WDPCP: variants seen among roughly 807,000 people sequenced by gnomAD.
The protein encoded by WDPCP is WD repeat containing planar cell polarity effector.
Under a neutral mutation model 93.1 loss-of-function variants are expected in WDPCP, and 71 were observed. The ratio of observed to expected loss-of-function variants is 0.76; its 90% CI spans 0.63 to 0.93. The LOEUF is 0.93. Among genes scored for constraint, WDPCP ranks in the 40% least tolerant of loss-of-function variants. WDPCP has a pLI of 0.00. For synonymous variants in WDPCP, 315 were observed against 315.0 expected (o/e 1.00, Z 0.00); for missense variants, 844 against 887.4 (o/e 0.95, Z 0.62).
chr2:63,373,291 C>G (rs1308610496), intron 12 of WDPCP, among the ~76,000 whole-genome samples: 1 of 142,266 alleles, frequency 7.0e-6, no homozygotes, highest in African/African-American at 2.6e-5. Flanking sequence ...CGGTCTTGCT[C>G]TGTCGCCCAG....
At chr2:63,653,533 T>C (rs1416398492) in intron 2 of WDPCP, among the ~76,000 whole-genome samples, 2 of 152,210 alleles carry the variant, frequency 1.3e-5, no homozygotes, top group African/African-American at 4.8e-5. Flanking sequence ...GAAAATAACT[T>C]TCTGCTAGTG....
chr2:63,819,128 T>C (rs903226558), intron 1 of WDPCP, among the ~76,000 whole-genome samples: 1 of 152,210 alleles, frequency 6.6e-6, no homozygotes, highest in African/African-American at 2.4e-5. Context: ...CACTTAATTA[T>C]GACTTAATTA....
At chr2:63,713,956 T>C (rs75152034) in intron 2 of WDPCP, among the ~76,000 whole-genome samples, 2,553 of 152,330 alleles carry the variant, frequency 0.017, 23 homozygotes, top group African/African-American at 0.018. Flanking sequence ...GTTATTGTCG[T>C]TGTTGTTGTT....
chr2:63,306,741 C>A (rs1001138215), intron 13 of WDPCP, among the ~76,000 whole-genome samples: 1 of 151,856 alleles, frequency 6.6e-6, no homozygotes, highest in African/African-American at 2.4e-5. Flanking sequence ...GGAACATAGC[C>A]CAAAATAATA....
At position 63,332,096 on chromosome 2, in the gene WDPCP, G is replaced by T. The variant is rs573611876; in HGVS notation, c.1749-18785C>A. 2.0e-5 allele frequency among the ~76,000 whole-genome samples: 3 copies of T among 150,552 alleles called. No homozygotes were observed. The East Asian group carries it at 5.8e-4, about 29-fold the overall frequency. On this transcript the variant is annotated intron_variant, in intron 12 of 17. Transcript: ENST00000272321. ...TGGGGGGAGATACATATATATATGT[G>T]TGTGTGTGTGTATATATATGTATAT...
At chr2:63,402,213 G>C (rs1040525550) in intron 10 of WDPCP, among the ~76,000 whole-genome samples, 10 of 151,990 alleles carry the variant, frequency 6.6e-5, no homozygotes, top group African/African-American at 2.4e-4. Context: ...AACTAACACA[G>C]GAAAAGAAAA....
chr2:63,701,446 T>C (rs1669047831), intron 2 of WDPCP, among the ~76,000 whole-genome samples: 1 of 152,202 alleles, frequency 6.6e-6, no homozygotes, highest in African/African-American at 2.4e-5. Context: ...GTATAGAAGT[T>C]CCTCAAAAAA....
intron 2 of WDPCP, among the ~76,000 whole-genome samples, chr2:63,707,176 C>G (rs551640305): frequency 6.6e-6 from 1 of 152,236 alleles, no homozygotes; most frequent in East Asian, 1.9e-4. Context: ...GTTGGCCTGC[C>G]TTGCTAGATT....
chr2:63,819,427 G>C lies in WDPCP; in HGVS notation n.223-5720C>G, dbSNP rs186137349. 2.4e-3 allele frequency among the ~76,000 whole-genome samples: 359 copies of C among 152,074 alleles called. 3 individuals are homozygous for C. The highest frequency in any genetic ancestry group is 3.9e-3 in the Non-Finnish European group (264 of 67,938). Reference sequence around the variant, plus strand: ...GCACGTTTACAGGTCAGGTGGCTTGGGTTTCCCTAATAGTCATAAACCAGC... The same window carrying C: ...GCACGTTTACAGGTCAGGTGGCTTGCGTTTCCCTAATAGTCATAAACCAGC... On this transcript the variant is annotated intron_variant and non_coding_transcript_variant, in intron 1 of 4. Coordinates refer to the WDPCP transcript ENST00000467687.
chr2:63,489,819 A>T lies in WDPCP; in HGVS notation c.161-2325T>A, dbSNP rs552063204. 5.2e-4 allele frequency among the ~76,000 whole-genome samples: 79 copies of T among 152,260 alleles called. 1 individual carries two copies. The highest frequency in any genetic ancestry group is 1.8e-3 in the African/African-American group (74 of 41,546). ...ATAATAATATATTTAAAGCATGAGG[A>T]ACAGGATATTTACATAATTTCAAGG... On this transcript the variant is annotated intron_variant, in intron 2 of 17. Transcript: ENST00000272321.
At chr2:63,724,084 G>A (rs948344228) in intron 2 of WDPCP, among the ~76,000 whole-genome samples, 5 of 152,206 alleles carry the variant, frequency 3.3e-5, no homozygotes, top group Admixed American at 6.5e-5. Flanking sequence ...GTTTCTATGA[G>A]AGATAATTTA....
At position 63,570,968 on chromosome 2, in the gene WDPCP, C is replaced by T. The variant is rs191779335; in HGVS notation, c.75+17229G>A. Among the ~76,000 whole-genome samples the T allele has an allele frequency of 2.0e-3, 298 of 151,736 alleles. 1 individual carries two copies. The East Asian group carries it at 0.021, about 11-fold the overall frequency. On this transcript the variant is annotated intron_variant, in intron 1 of 17. Coordinates refer to ENST00000272321, the MANE Select transcript of WDPCP (RefSeq NM_015910.7). ...TCACCCAGGCTGGAGTGCAGTGGCA[C>T]GATCTCAGCTCACTGCAACCTCCGC...
chr2:63,748,327 A>C (rs972361611), intron 2 of WDPCP, among the ~76,000 whole-genome samples: 2 of 151,910 alleles, frequency 1.3e-5, no homozygotes, highest in Admixed American at 6.6e-5. Flanking sequence ...AATCTTAGAT[A>C]AAATTATTTG....
At chr2:63,568,611 T>C (rs886359524) in intron 1 of WDPCP, among the ~76,000 whole-genome samples, 1 of 152,224 alleles carries the variant, frequency 6.6e-6, no homozygotes, top group Non-Finnish European at 1.5e-5. Context: ...TATAACCTGA[T>C]GCGTCCACCC....
At chr2:63,672,404 A>C (rs1710357850) in intron 2 of WDPCP, among the ~76,000 whole-genome samples, 1 of 152,230 alleles carries the variant, frequency 6.6e-6, no homozygotes, top group Non-Finnish European at 1.5e-5. Flanking sequence ...GGATGTGAAC[A>C]CAATAAACAT....
At chr2:63,249,533 C>T (rs1680551113) in intron 14 of WDPCP, among the ~76,000 whole-genome samples, 1 of 152,184 alleles carries the variant, frequency 6.6e-6, no homozygotes, top group African/African-American at 2.4e-5. Context: ...TATAACCCCT[C>T]ATGAGAATGC....
rs1384959592 is a variant in WDPCP at position 63,267,645 on chromosome 2, CT to C, written c.1813-8237del. Reference sequence around the variant, plus strand: ...TTCAAACAACTCAATAGTAAGAAAACTCAGTTAAAAGCTGGTAAAAGTATCT... The same window carrying C: ...TTCAAACAACTCAATAGTAAGAAAACCAGTTAAAAGCTGGTAAAAGTATCT... On this transcript the variant is annotated intron_variant, in intron 13 of 17. Coordinates refer to ENST00000272321, the MANE Select transcript of WDPCP (RefSeq NM_015910.7). Among the ~76,000 whole-genome samples the C allele has an allele frequency of 5.3e-5, 8 of 152,244 alleles. No homozygotes were observed. In the East Asian group the frequency reaches 1.5e-3, roughly 29 times the overall value.
rs929621106 is a variant in WDPCP, at chr2:63,526,804, T to G, written c.76-33864A>C. On this transcript the variant is annotated intron_variant, in intron 1 of 17. Transcript: ENST00000272321. Reference sequence around the variant, plus strand: ...TTTTTTGTCACATTCTGTTTTGGTTTTAACTTTATTGAGCTTATCCTAGTC... The same window carrying G: ...TTTTTTGTCACATTCTGTTTTGGTTGTAACTTTATTGAGCTTATCCTAGTC... Among the ~76,000 whole-genome samples, 8 of 152,362 alleles carry G rather than the reference T, an allele frequency of 5.3e-5. No homozygotes were observed. The East Asian group carries it at 1.5e-3, about 29-fold the overall frequency.
chr2:63,310,274 C>G (rs921762199), intron 13 of WDPCP, among the ~76,000 whole-genome samples: 1 of 152,020 alleles, frequency 6.6e-6, no homozygotes, highest in Non-Finnish European at 1.5e-5. Flanking sequence ...CAGCTAATAA[C>G]TGAGAGAGCT....
Sources: allele counts gnomAD v4.1 joint callset (sites outside exome capture counted in the v4.1 genomes callset), GRCh38; gene constraint gnomAD v4.1.1; transcripts MANE v1.5; gene names NCBI Gene and HGNC (gene_info 2026-07-23, HGNC 2026-07-21).